The following MACROD2 variants were observed in gnomAD, a reference collection of about 807,000 sequenced individuals.
The protein encoded by MACROD2 is mono-ADP ribosylhydrolase 2, also known as ADP-ribose glycohydrolase MACROD2.
Under a neutral mutation model 70.4 loss-of-function variants are expected in MACROD2, and 36 were observed. The observed-to-expected ratio is 0.51, with a 90% CI of 0.39 to 0.68. MACROD2 has a LOEUF of 0.68. MACROD2 is among the 30% of genes least tolerant of loss of function. MACROD2 has a pLI of 0.00. For synonymous variants in MACROD2, 172 were observed against 178.8 expected, an observed-to-expected ratio of 0.96 and a Z score of 0.30; for missense variants, 496 against 538.4, an observed-to-expected ratio of 0.92 and a Z score of 0.78.
chr20:15,160,914 A>G (rs867798307), intron 5 of MACROD2, among the ~76,000 whole-genome samples: 3 of 151,852 alleles, frequency 2.0e-5, no homozygotes, highest in Non-Finnish European at 4.4e-5. Context: ...TATTTTGATT[A>G]TTTTTTTTAC....
intron 5 of MACROD2, among the ~76,000 whole-genome samples, chr20:14,717,432 G>A (rs1458526961): frequency 6.6e-6 from 1 of 151,500 alleles, no homozygotes; most frequent in Non-Finnish European, 1.5e-5. Context: ...GAAATATGAG[G>A]TCTTAAGTAA....
intron 8 of MACROD2, among the ~76,000 whole-genome samples, chr20:15,518,526 C>T (rs1270729063): frequency 6.6e-6 from 1 of 152,118 alleles, no homozygotes; most frequent in Non-Finnish European, 1.5e-5. Flanking sequence ...ATTTTGTGGG[C>T]CTCCATCTCT....
At chr20:14,449,546 T>C (rs947725423) in intron 3 of MACROD2, among the ~76,000 whole-genome samples, 3 of 152,108 alleles carry the variant, frequency 2.0e-5, no homozygotes, top group Admixed American at 6.5e-5. Context: ...CATAGTGGGA[T>C]GAATGTCAAA....
intron 6 of MACROD2, among the ~76,000 whole-genome samples, chr20:15,327,406 T>G (rs948601259): frequency 2.0e-5 from 3 of 152,128 alleles, no homozygotes; most frequent in Non-Finnish European, 4.4e-5. Flanking sequence ...CTGGATAATT[T>G]CTAAAGGAAA....
intron 8 of MACROD2, among the ~76,000 whole-genome samples, chr20:15,842,753 G>GATAGATAGAGAA (rs33937643): frequency 0.062 from 8,686 of 140,598 alleles, 307 homozygotes; most frequent in Middle Eastern, 0.076. Flanking sequence ...TAGAGAAATA[G>GATAGATAGAGAA]ACAGACAAAT....
chr20:14,553,325 ATGGAAC>A lies in MACROD2; in HGVS notation c.301+59820_301+59825del, dbSNP rs578009935. Among the ~76,000 whole-genome samples the A allele has an allele frequency of 6.3e-4, 96 of 151,624 alleles. 2 individuals carry two copies. The East Asian group carries it at 0.013, about 21-fold the overall frequency. On this transcript the variant is annotated intron_variant, in intron 4 of 17. Coordinates refer to ENST00000684519, the MANE Select transcript of MACROD2 (RefSeq NM_001351661.2). ...GAATGTCTTCAGGGCCAATACATGC[ATGGAAC>A]TGTCATCTCCTATGATAATAGTGTC...
intron 3 of MACROD2, among the ~76,000 whole-genome samples, chr20:14,487,653 T>G (rs931098145): frequency 5.9e-5 from 9 of 152,218 alleles, no homozygotes; most frequent in African/African-American, 1.2e-4. Context: ...CAGTACCTAC[T>G]GTGTCAGGAA....
At chr20:15,753,090 C>T (rs529994920) in intron 8 of MACROD2, among the ~76,000 whole-genome samples, 12 of 93,578 alleles carry the variant, frequency 1.3e-4, no homozygotes, top group South Asian at 3.0e-4. Context: ...TTTTCTGGGA[C>T]GACAGCATAT....
At chr20:14,029,632 C>G (rs1417486812) in intron 2 of MACROD2, among the ~76,000 whole-genome samples, 1 of 152,120 alleles carries the variant, frequency 6.6e-6, no homozygotes, top group Non-Finnish European at 1.5e-5. Flanking sequence ...ATGAAGTGGA[C>G]TCTGACAGTG....
Position 14,127,487 on chromosome 20 carries a change from C to A in MACROD2, c.271+41759C>A. On this transcript the variant is annotated intron_variant, in intron 3 of 17. Transcript: ENST00000684519. ...GGAGCAGAAGGAGGCAGAGGTGGGT[C>A]AAATCATTGAATATCTTAAGCAGCA... 8.1e-6 allele frequency: 4 copies of A among 492,988 alleles called. No homozygotes were observed. The South Asian group carries it at 1.1e-4, about 14-fold the overall frequency. 30.5% of individuals were successfully genotyped at this position (492,988 alleles called of 1,614,324 possible). A position where few individuals can be genotyped will look rare whatever the true frequency, so the allele number is the denominator to read the frequency against.
At chr20:15,006,141 A>ATGTGTGTG (rs11473589) in intron 5 of MACROD2, among the ~76,000 whole-genome samples, 7,442 of 134,252 alleles carry the variant, frequency 0.055, 305 homozygotes, top group African/African-American at 0.1. Context: ...ATATATATAT[A>ATGTGTGTG]TGTGTGTGTG....
At chr20:15,095,409 T>C (rs2075823506) in intron 5 of MACROD2, among the ~76,000 whole-genome samples, 1 of 151,850 alleles carries the variant, frequency 6.6e-6, no homozygotes, top group Non-Finnish European at 1.5e-5. Context: ...TTAATGTTTC[T>C]TGAACCAACC....
intron 5 of MACROD2, among the ~76,000 whole-genome samples, chr20:15,160,665 T>C (rs1202964526): frequency 6.6e-6 from 1 of 152,094 alleles, no homozygotes; most frequent in East Asian, 1.9e-4. Context: ...CCCCAGTGCT[T>C]TTCAGTTTGG....
At chr20:14,932,620 C>T (rs939561259) in intron 5 of MACROD2, among the ~76,000 whole-genome samples, 10 of 152,118 alleles carry the variant, frequency 6.6e-5, no homozygotes, top group African/African-American at 2.4e-4. Context: ...GGCTGGAGTG[C>T]AGTCACACAA....
At chr20:15,159,860 A>G (rs774512028) in intron 5 of MACROD2, among the ~76,000 whole-genome samples, 1 of 152,066 alleles carries the variant, frequency 6.6e-6, no homozygotes, top group African/African-American at 2.4e-5. Flanking sequence ...AAGATGCTAA[A>G]TTCTCAGCGC....
chr20:15,589,199 A>G (rs1805807619), intron 8 of MACROD2, among the ~76,000 whole-genome samples: 1 of 152,194 alleles, frequency 6.6e-6, no homozygotes, highest in African/African-American at 2.4e-5. Flanking sequence ...CTTATTCACT[A>G]TCACGAGAAT....
intron 13 of MACROD2, 37 bp from the exon 14 acceptor site, chr20:15,986,690 C>G (rs767368726): frequency 6.5e-7 from 1 of 1,530,274 alleles, no homozygotes; most frequent in Non-Finnish European, 9.0e-7. Flanking sequence ...TCATGCATAT[C>G]ACATTTCTTT....
At chr20:14,378,025 A>G (rs188888122) in intron 3 of MACROD2, among the ~76,000 whole-genome samples, 36 of 152,260 alleles carry the variant, frequency 2.4e-4, no homozygotes, top group Non-Finnish European at 5.1e-4. Flanking sequence ...TGCATTTTAT[A>G]TTTTACATAG....
At chr20:15,779,877 G>A (rs925662816) in intron 8 of MACROD2, among the ~76,000 whole-genome samples, 1 of 152,094 alleles carries the variant, frequency 6.6e-6, no homozygotes, top group Admixed American at 6.5e-5. Context: ...AGTTGTGTTG[G>A]AGCCTTATTG....
Sources: gnomAD v4.1 joint callset for allele counts (sites outside exome capture counted in the v4.1 genomes callset) on GRCh38, gnomAD v4.1.1 for gene constraint, MANE v1.5 for transcripts, NCBI Gene and HGNC (gene_info 2026-07-23, HGNC 2026-07-21) for gene names.